TASP1: variants seen among roughly 807,000 people sequenced by gnomAD.
TASP1 encodes the protein threonine aspartase 1.
In TASP1, 16 loss-of-function variants were observed where a neutral mutation model predicts 56.6. The observed-to-expected ratio is 0.28, with a 90% CI of 0.19 to 0.43. TASP1 has a LOEUF of 0.43. TASP1 is among the 20% of genes least tolerant of loss of function. The pLI, the probability that TASP1 is intolerant of heterozygous loss-of-function variation, is 1.00. For synonymous variants in TASP1, 179 were observed against 184.2 expected, an observed-to-expected ratio of 0.97 and a Z score of 0.23; for missense variants, 393 against 511.6, an observed-to-expected ratio of 0.77 and a Z score of 2.24.
chr20:13,221,796 A>G, the TASP1 span: 1 of 1,450,586 alleles, frequency 6.9e-7, no homozygotes, highest in Non-Finnish European at 9.0e-7. Flanking sequence ...CTGGCGGCCG[A>G]GCTGCTGCTG....
At chr20:13,193,806 T>C in the TASP1 span, among the ~76,000 whole-genome samples, 1 of 152,202 alleles carries the variant, frequency 6.6e-6, no homozygotes, top group African/African-American at 2.4e-5. Context: ...CCTCATGTCC[T>C]TATTCAAGAC....
In TASP1 at chr20:13,404,133, C is replaced by T. The variant is rs2038695619; in HGVS notation, c.1170+13315G>A. Reference sequence around the variant, plus strand: ...GCAATCACTTTCTGATTTCTATCACCATAGCTTAGTTGGGCCAGTTATTAA... The same window carrying T: ...GCAATCACTTTCTGATTTCTATCACTATAGCTTAGTTGGGCCAGTTATTAA... On this transcript the variant is annotated intron_variant, in intron 13 of 13. Transcript: ENST00000337743. 2.0e-5 allele frequency among the ~76,000 whole-genome samples: 3 copies of T among 152,158 alleles called. No homozygotes were observed. The South Asian group carries it at 6.2e-4, about 32-fold the overall frequency.
chr20:13,540,057 C>T (rs2045565439), intron 8 of TASP1, among the ~76,000 whole-genome samples: 3 of 152,152 alleles, frequency 2.0e-5, no homozygotes, highest in Non-Finnish European at 2.9e-5. Context: ...TCTATTCTCA[C>T]TCATACGCAG....
At chr20:13,178,780 G>A in the TASP1 span, among the ~76,000 whole-genome samples, 1 of 151,962 alleles carries the variant, frequency 6.6e-6, no homozygotes, top group African/African-American at 2.4e-5. Context: ...GAGGAATGGG[G>A]AGAGACTTAT....
At chr20:13,210,524 C>G in the TASP1 span, among the ~76,000 whole-genome samples, 1 of 151,814 alleles carries the variant, frequency 6.6e-6, no homozygotes, top group Non-Finnish European at 1.5e-5. Context: ...AGTTATATCC[C>G]CAAATTATGT....
chr20:13,350,407 G>A, the TASP1 span, among the ~76,000 whole-genome samples: 10 of 151,876 alleles, frequency 6.6e-5, no homozygotes, highest in Non-Finnish European at 7.4e-5. Context: ...TAAAATTTAC[G>A]TGGAAAAGCA....
the TASP1 span, among the ~76,000 whole-genome samples, chr20:13,119,543 CT>C: frequency 6.6e-6 from 1 of 152,196 alleles, no homozygotes; most frequent in Non-Finnish European, 1.5e-5. Context: ...GTATGTACAT[CT>C]GTTCATTTTC....
At chr20:13,395,675 A>G (rs2041502795) in intron 13 of TASP1, among the ~76,000 whole-genome samples, 1 of 151,346 alleles carries the variant, frequency 6.6e-6, no homozygotes, top group Non-Finnish European at 1.5e-5. Context: ...TGACATGATA[A>G]TAGTCACCCT....
chr20:13,558,757 T>A (rs1315499537), intron 8 of TASP1, among the ~76,000 whole-genome samples: 1 of 152,106 alleles, frequency 6.6e-6, no homozygotes, highest in African/African-American at 2.4e-5. Context: ...TATTTCAAAG[T>A]TATATTTTAG....
At chr20:13,124,819 G>C in the TASP1 span, among the ~76,000 whole-genome samples, 3 of 152,306 alleles carry the variant, frequency 2.0e-5, no homozygotes, top group East Asian at 1.9e-4. Context: ...CCAGGCCCAG[G>C]CTCGGAAGTG....
At chr20:13,490,118 C>T (rs1370103057) in intron 10 of TASP1, among the ~76,000 whole-genome samples, 2 of 152,180 alleles carry the variant, frequency 1.3e-5, no homozygotes, top group South Asian at 2.1e-4. Context: ...TTATCAGATG[C>T]CATTAGCAGC....
chr20:13,432,283 A>G (rs964225773), intron 12 of TASP1, among the ~76,000 whole-genome samples: 1 of 152,222 alleles, frequency 6.6e-6, no homozygotes, highest in African/African-American at 2.4e-5. Flanking sequence ...TTTCACAGCA[A>G]GGGGTCACAA....
chr20:13,600,644 A>AT lies in TASP1; in HGVS notation c.283-13275dup, dbSNP rs2047920048. 2.6e-5 allele frequency: 4 copies of AT among 152,208 alleles called. No individual in the cohort carries two copies. The South Asian group carries it at 8.3e-4, about 31-fold the overall frequency. 9.4% of individuals were successfully genotyped at this position (152,208 alleles called of 1,614,324 possible). A position where few individuals can be genotyped will look rare whatever the true frequency, so the allele number is the denominator to read the frequency against. The stretch of plus-strand genomic sequence containing the variant: ...TGTAAAAGAAAAAACAGGATAAAGT[A>AT]TTGTGACCTTACATTAGGCAAGTAT... On this transcript the variant is annotated intron_variant, in intron 4 of 13. Transcript: ENST00000337743.
rs1191185457 is a variant in TASP1, at chr20:13,576,367, AAGAAAGAAAG to A, written c.488+4520_488+4529del. Among the ~76,000 whole-genome samples the A allele has an allele frequency of 2.3e-3, 276 of 121,924 alleles. No homozygotes were observed. The Middle Eastern group carries it at 0.024, about 11-fold the overall frequency. 80.0% of individuals were successfully genotyped at this position (121,924 alleles called of 152,430 possible). On this transcript the variant is annotated intron_variant, in intron 6 of 13. Transcript: ENST00000337743. ...GAAGAAAGAAAGAAAGAAAGAAAGA[AAGAAAGAAAG>A]AAAGAAAGAAAGAAAGAAAGTCAGT...
chr20:13,391,733 C>T (rs147268484), intron 13 of TASP1, among the ~76,000 whole-genome samples: 1,821 of 151,782 alleles, frequency 0.012, 25 homozygotes, highest in Middle Eastern at 0.024. Flanking sequence ...TTTGGGAGGC[C>T]GAGGCGGGCA....
chr20:13,450,383 T>C (rs946775571), intron 11 of TASP1, among the ~76,000 whole-genome samples: 2 of 152,084 alleles, frequency 1.3e-5, no homozygotes, highest in Non-Finnish European at 2.9e-5. Context: ...GATTTCTTTG[T>C]AGCATGCAAT....
chr20:13,272,078 C>G, the TASP1 span, among the ~76,000 whole-genome samples: 1 of 152,168 alleles, frequency 6.6e-6, no homozygotes, highest in African/African-American at 2.4e-5. Flanking sequence ...CACAGCCAGC[C>G]CATACTTGTA....
chr20:13,123,263 G>A, the TASP1 span, among the ~76,000 whole-genome samples: 1 of 151,664 alleles, frequency 6.6e-6, no homozygotes, highest in Non-Finnish European at 1.5e-5. Flanking sequence ...CCCAGGAGAC[G>A]AAGGTTGCAG....
In TASP1 at chr20:13,534,214, T is replaced by C. The variant is rs2045330792; in HGVS notation, c.676-73A>G. On this transcript the variant is annotated intron_variant, in intron 8 of 13. Coordinates refer to ENST00000337743, the MANE Select transcript of TASP1 (RefSeq NM_017714.3). ...AATCTGATATGACTACATAGCACTT[T>C]TCCATACAATCATGACAGAACAAAA... The C allele has an allele frequency of 1.3e-5, 20 of 1,537,414 alleles. No individual in the cohort carries two copies. In the South Asian group the frequency reaches 2.6e-4, roughly 20 times the overall value.
Sources: gnomAD v4.1 joint callset for allele counts (sites outside exome capture counted in the v4.1 genomes callset) on GRCh38, gnomAD v4.1.1 for gene constraint, MANE v1.5 for transcripts, NCBI Gene and HGNC (gene_info 2026-07-23, HGNC 2026-07-21) for gene names.